LATS2: variants seen among roughly 807,000 people sequenced by gnomAD.
The protein encoded by LATS2 is serine/threonine-protein kinase LATS2.
Under a neutral mutation model 76.0 loss-of-function variants are expected in LATS2, and 24 were observed. That is an observed-to-expected ratio of 0.32 (90% CI 0.23 to 0.44). The LOEUF (loss-of-function observed/expected upper bound fraction) is 0.44, where lower values mean the gene tolerates loss of function less well. Ranked by LOEUF, LATS2 falls within the 20% of genes least tolerant of loss-of-function variation. LATS2 has a pLI of 1.00. For missense variants in LATS2, 1,286 were observed against 1,481.2 expected (o/e 0.87, Z 2.16); for synonymous variants, 692 against 635.4 (o/e 1.09, Z -1.34).
At chr13:20,983,197 G>T in intron 5 of LATS2, 27 bp downstream of exon 5, 1 of 1,508,382 alleles carries the variant, frequency 6.6e-7, no homozygotes, top group Non-Finnish European at 9.2e-7. Flanking sequence ...CACATAGAAA[G>T]TGCATGTGGC....
chr13:20,975,477 GT>G, intron 7 of LATS2, 113 bp from the exon 8 acceptor site: 1 of 1,126,650 alleles, frequency 8.9e-7, no homozygotes, highest in Non-Finnish European at 1.2e-6. Flanking sequence ...TAGGAGAGGA[GT>G]TAGAATAGAC....
chr13:20,992,485 G>A (rs368206215), intron 2 of LATS2, among the ~76,000 whole-genome samples: 136 of 152,222 alleles, frequency 8.9e-4, no homozygotes, highest in African/African-American at 2.9e-3. Flanking sequence ...TGATGAAGGC[G>A]CCCCCTTCAC....
chr13:21,035,004 G>C (rs1872647824), intron 2 of LATS2, among the ~76,000 whole-genome samples: 3 of 152,206 alleles, frequency 2.0e-5, no homozygotes, highest in Non-Finnish European at 2.9e-5. Context: ...GCCAGGGCGG[G>C]AGGATCACTT....
At chr13:21,057,320 C>A (rs564403540) in intron 1 of LATS2, among the ~76,000 whole-genome samples, 85 of 152,258 alleles carry the variant, frequency 5.6e-4, no homozygotes, top group African/African-American at 2.0e-3. Flanking sequence ...TATTGTCACA[C>A]AAACAAAAAG....
At chr13:21,003,641 C>T (rs1290081980) in intron 2 of LATS2, among the ~76,000 whole-genome samples, 1 of 152,056 alleles carries the variant, frequency 6.6e-6, no homozygotes, top group Non-Finnish European at 1.5e-5. Context: ...GGGGTTTCAC[C>T]ATGTTGACCA....
intron 2 of LATS2, among the ~76,000 whole-genome samples, chr13:21,013,751 A>G (rs981384775): frequency 6.6e-6 from 1 of 152,172 alleles, no homozygotes; most frequent in Admixed American, 6.6e-5. Flanking sequence ...GGATCACTTG[A>G]GGCCTGGAGT....
rs1023828224 is a variant in LATS2, at chr13:21,048,632, G to C, written c.-204-2402C>G. On this transcript the variant is annotated intron_variant, in intron 1 of 7. Coordinates refer to ENST00000382592, the MANE Select transcript of LATS2 (RefSeq NM_014572.3). ...GGATCATCTGAGGTCAGGAGTTCGA[G>C]ACCAGCCTGGCTAACATATAGTGAA... Among the ~76,000 whole-genome samples, 4 of 152,154 alleles carry C rather than the reference G, an allele frequency of 2.6e-5. No individual in the cohort carries two copies. In the East Asian group the frequency reaches 7.7e-4, roughly 29 times the overall value.
chr13:20,973,356 G>A lies in LATS2; in HGVS notation c.*1514C>T. 1 of 231,130 alleles carries A rather than the reference G, an allele frequency of 4.3e-6. No individual in the cohort carries two copies. The highest frequency in any genetic ancestry group is 2.2e-5 in the African/African-American group (1 of 45,334). The allele number at this position is 231,130 out of a possible 1,614,324, so 14.3% of individuals were successfully genotyped here. ...ATATACTAAGTAATGGATACATTAT[G>A]CTAAGAACTTCAAGGAAAAATATGT... On this transcript the variant is annotated 3_prime_UTR_variant, in exon 8 of 8. Coordinates refer to ENST00000382592, the MANE Select transcript of LATS2 (RefSeq NM_014572.3).
chr13:21,034,936 A>T (rs1357166372), intron 2 of LATS2, among the ~76,000 whole-genome samples: 2 of 152,246 alleles, frequency 1.3e-5, no homozygotes, highest in Non-Finnish European at 2.9e-5. Context: ...ACTACAAAAT[A>T]TATCTAAGAT....
At chr13:21,003,034 T>C (rs1419848746) in intron 2 of LATS2, among the ~76,000 whole-genome samples, 1 of 152,156 alleles carries the variant, frequency 6.6e-6, no homozygotes, top group African/African-American at 2.4e-5. Context: ...TGGTTTGGTC[T>C]CCTCAGTTTT....
rs764310023 is a variant in LATS2, at chr13:20,988,562, G to A, written c.1218C>T (p.Thr406=). 1.3e-6 allele frequency: 2 copies of A among 1,584,888 alleles called. No homozygotes were observed. The highest frequency in any genetic ancestry group is 1.7e-6 in the Non-Finnish European group (2 of 1,173,902). Residue 406 remains threonine (T), a synonymous_variant, in exon 4 of 8, where the codon ACC becomes ACT. Coordinates refer to ENST00000382592, the MANE Select transcript of LATS2 (RefSeq NM_014572.3). ...GCGGCTGGTGGCTGTTGAAGGAGTT[G>A]GTCCTGCTGGGCACTGGGCAGTCAG... ...FRPDCPVPSR[T]NSFNSHQPRP...
intron 2 of LATS2, among the ~76,000 whole-genome samples, chr13:21,032,554 C>T (rs1337267714): frequency 6.6e-6 from 1 of 152,250 alleles, no homozygotes; most frequent in African/African-American, 2.4e-5. Context: ...GGGTGAGCCA[C>T]TGCACCCAGC....
chr13:21,007,545 G>C lies in LATS2; in HGVS notation c.343-16141C>G, dbSNP rs937597150. Among the ~76,000 whole-genome samples, 4 of 3,610 alleles carry C rather than the reference G, an allele frequency of 1.1e-3. 1 individual carries two copies. The highest frequency in any genetic ancestry group is 8.2e-3 in the Admixed American group (1 of 122). The allele number at this position is 3,610 out of a possible 152,430, so 2.4% of individuals were successfully genotyped here. A position where few individuals can be genotyped will look rare whatever the true frequency, so the allele number is the denominator to read the frequency against. The stretch of plus-strand genomic sequence containing the variant: ...CGTAGGGGATGGATATATATATATA[G>C]TATATATATATATATATATATATAT... On this transcript the variant is annotated intron_variant, in intron 2 of 7. Transcript: ENST00000382592.
chr13:20,974,979 A>G lies in LATS2; in HGVS notation c.3158T>C (p.Phe1053Ser). The part of the protein sequence containing the change: ...RRFFDDNGYP[F>S]RCPKPSGAEA... The stretch of plus-strand genomic sequence containing the variant: ...TGCTCCTGAAGGCTTTGGGCATCGA[A>G]AGGGGTAGCCATTGTCATCAAAGAA... Residue 1053 changes from phenylalanine (F) to serine (S), a missense_variant, in exon 8 of 8, where the codon TTT (phenylalanine) becomes TCT (serine). Physicochemically the swap from Phe to Ser is radical, Grantham distance 155 (BLOSUM62 -2). Around this residue, in one of 5 missense-constraint regions of LATS2, gnomAD observed 210 missense variants for 234.9 expected, o/e 0.89. Transcript: ENST00000382592. The G allele has an allele frequency of 6.2e-7, 1 of 1,614,196 alleles. No homozygotes were observed. Among genetic ancestry groups the G allele is most frequent in the Non-Finnish European group, 8.5e-7 (1 of 1,180,030 alleles).
rs985458355 is a variant in LATS2, at chr13:21,016,276, C to A, written c.343-24872G>T. Among the ~76,000 whole-genome samples, 8 of 151,774 alleles carry A rather than the reference C, an allele frequency of 5.3e-5. No homozygotes were observed. In the South Asian group the frequency reaches 8.3e-4, roughly 16 times the overall value. ...TGCTGGGATTACAGGCATGAGACAG[C>A]GTACCCGGCCTATTTTTATTTTTTT... On this transcript the variant is annotated intron_variant, in intron 2 of 7. Coordinates refer to ENST00000382592, the MANE Select transcript of LATS2 (RefSeq NM_014572.3).
At chr13:21,053,299 A>C (rs1480451281) in intron 1 of LATS2, among the ~76,000 whole-genome samples, 1 of 151,068 alleles carries the variant, frequency 6.6e-6, no homozygotes, top group Non-Finnish European at 1.5e-5. Context: ...CTACTCCTAA[A>C]ACCTCAGCCC....
chr13:21,015,185 G>C (rs1318953887), intron 2 of LATS2, among the ~76,000 whole-genome samples: 1 of 152,214 alleles, frequency 6.6e-6, no homozygotes, highest in Non-Finnish European at 1.5e-5. Context: ...GAGCTATCCT[G>C]TACTTTCTCA....
Position 20,981,659 on chromosome 13 carries a change from G to T in LATS2, c.2483-11C>A. ...GTCTGACATGGCTCCCTTCACCCAG[G>T]AATCAGGGATAGTGAAAGAAAAGAA... On this transcript the variant is annotated splice_polypyrimidine_tract_variant and intron_variant, in intron 5 of 7. Transcript: ENST00000382592. 2 of 1,585,626 alleles carry T rather than the reference G, an allele frequency of 1.3e-6. No individual in the cohort carries two copies. Among genetic ancestry groups the T allele is most frequent in the Non-Finnish European group, 1.7e-6 (2 of 1,167,226 alleles).
rs1869459961 is a variant in LATS2 at position 20,973,971 on chromosome 13, T to TCTCA, written c.*898_*899insTGAG. On this transcript the variant is annotated 3_prime_UTR_variant, in exon 8 of 8. Transcript: ENST00000382592. ...TTCAGTATATGACAAATGTTTCAGTTCCCCCCCCCCAAAGAATCCAATCAC... is the reference window on the plus strand; with the variant it reads ...TTCAGTATATGACAAATGTTTCAGTTCTCACCCCCCCCCCAAAGAATCCAATCAC... 5.5e-6 allele frequency: 1 copy of TCTCA among 182,506 alleles called. No homozygotes were observed. Among genetic ancestry groups the TCTCA allele is most frequent in the African/African-American group, 2.7e-5 (1 of 37,298 alleles). 11.3% of individuals were successfully genotyped at this position (182,506 alleles called of 1,614,324 possible). A position where few individuals can be genotyped will look rare whatever the true frequency, so the allele number is the denominator to read the frequency against.
Sources: allele counts gnomAD v4.1 joint callset (sites outside exome capture counted in the v4.1 genomes callset), GRCh38; gene constraint gnomAD v4.1.1; regional missense constraint gnomAD v4.1.1; transcripts MANE v1.5; gene names NCBI Gene and HGNC (gene_info 2026-07-23, HGNC 2026-07-21).